Variants in SLC28A3 observed in about 807,000 individuals in gnomAD.
SLC28A3 encodes the protein concentrative Na(+)-nucleoside cotransporter 3.
A neutral mutation model predicts 84.2 loss-of-function variants in SLC28A3; 68 were observed. That is an observed-to-expected ratio of 0.81 (90% CI 0.66 to 0.99). SLC28A3 has a LOEUF of 0.99. SLC28A3 is among the 50% of genes least tolerant of loss of function. The probability of loss-of-function intolerance (pLI) is 0.00; values close to 1 mark genes in which losing one functional copy is unlikely to be tolerated. For missense variants in SLC28A3, 712 were observed against 841.5 expected, an observed-to-expected ratio of 0.85 and a Z score of 1.90; for synonymous variants, 267 against 303.6, an observed-to-expected ratio of 0.88 and a Z score of 1.25.
At chr9:84,301,096 T>C (rs1327181594) in intron 5 of SLC28A3, among the ~76,000 whole-genome samples, 1 of 151,936 alleles carries the variant, frequency 6.6e-6, no homozygotes, top group Non-Finnish European at 1.5e-5. Context: ...ACACCTATAA[T>C]CCCAGCACTT....
intron 10 of SLC28A3, among the ~76,000 whole-genome samples, chr9:84,291,419 C>T (rs1247433830): frequency 6.6e-6 from 1 of 152,174 alleles, no homozygotes; most frequent in African/African-American, 2.4e-5. Context: ...TCACTGCAAC[C>T]TCCACCTCCT....
Position 84,292,765 on chromosome 9 carries a change from G to T in SLC28A3, c.943-17C>A. 6.5e-7 allele frequency: 1 copy of T among 1,527,966 alleles called. No individual in the cohort carries two copies. The highest frequency in any genetic ancestry group is 8.8e-7 in the Non-Finnish European group (1 of 1,140,964). 94.7% of individuals were successfully genotyped at this position (1,527,966 alleles called of 1,614,324 possible). A position where few individuals can be genotyped will look rare whatever the true frequency, so the allele number is the denominator to read the frequency against. ...CCATCCAACCTAAAAGGAAGAAAGG[G>T]ACAAAGTCAGCAAAGAACTTTTTGT... On this transcript the variant is annotated splice_polypyrimidine_tract_variant and intron_variant, in intron 9 of 17. Coordinates refer to ENST00000376238, the MANE Select transcript of SLC28A3 (RefSeq NM_001199633.2).
chr9:84,295,189 A>G (rs1429971526), intron 8 of SLC28A3, among the ~76,000 whole-genome samples: 3 of 152,154 alleles, frequency 2.0e-5, no homozygotes, highest in African/African-American at 7.2e-5. Context: ...GTAAACATTC[A>G]TTCTTCTAGC....
At chr9:84,341,321 T>C (rs1477658089), upstream of SLC28A3, among the ~76,000 whole-genome samples, 4 of 150,418 alleles carry the variant, frequency 2.7e-5, no homozygotes, top group African/African-American at 1.0e-4. Context: ...TGTTTTCCTG[T>C]GGGTGGTGTT....
At chr9:84,318,705 C>G (rs558720353) in intron 1 of SLC28A3, among the ~76,000 whole-genome samples, 1 of 151,378 alleles carries the variant, frequency 6.6e-6, no homozygotes, top group African/African-American at 2.4e-5. Context: ...CCCATCTCTA[C>G]TAAAAATACA....
upstream of SLC28A3, among the ~76,000 whole-genome samples, chr9:84,344,963 G>A (rs951762142): frequency 6.6e-6 from 1 of 152,160 alleles, no homozygotes; most frequent in Non-Finnish European, 1.5e-5. Flanking sequence ...GTTGTGTCAT[G>A]GGCCATGATC....
rs192232792 is a variant in SLC28A3 at position 84,279,426 on chromosome 9, G to A, written c.1829-41C>T. ...AGTCCCATTTATTTATTATTTTTTA[G>A]TTTTATTTATGTATTTATATATTTA... On this transcript the variant is annotated intron_variant, in intron 16 of 17. Transcript: ENST00000376238. 1.8e-4 allele frequency: 245 copies of A among 1,360,072 alleles called. No individual in the cohort carries two copies. The African/African-American group carries it at 3.4e-3, about 19-fold the overall frequency. The allele number at this position is 1,360,072 out of a possible 1,614,324, so 84.3% of individuals were successfully genotyped here. A position where few individuals can be genotyped will look rare whatever the true frequency, so the allele number is the denominator to read the frequency against.
At position 84,279,837 on chromosome 9, in the gene SLC28A3, A is replaced by G. The variant is rs1588553860; in HGVS notation, c.1828+138T>C. On this transcript the variant is annotated intron_variant, in intron 16 of 17. Transcript: ENST00000376238. Reference sequence around the variant, plus strand: ...CACCACACTGCACACATTTAACTTTACAGTATGCTTAAGAGCAGCTCTAAC... The same window carrying G: ...CACCACACTGCACACATTTAACTTTGCAGTATGCTTAAGAGCAGCTCTAAC... 3.4e-5 allele frequency: 25 copies of G among 743,118 alleles called. No individual in the cohort carries two copies. The East Asian group carries it at 6.8e-4, about 20-fold the overall frequency. 46.0% of individuals were successfully genotyped at this position (743,118 alleles called of 1,614,324 possible). A position where few individuals can be genotyped will look rare whatever the true frequency, so the allele number is the denominator to read the frequency against.
At chr9:84,307,523 A>G (rs1479758258) in intron 3 of SLC28A3, among the ~76,000 whole-genome samples, 3 of 152,212 alleles carry the variant, frequency 2.0e-5, no homozygotes, top group Non-Finnish European at 4.4e-5. Flanking sequence ...AACAATAGGT[A>G]TCACTTCATG....
intron 12 of SLC28A3, among the ~76,000 whole-genome samples, chr9:84,286,747 A>T (rs1243280904): frequency 6.6e-6 from 1 of 152,154 alleles, no homozygotes; most frequent in Admixed American, 6.5e-5. Context: ...CTGTAAATCC[A>T]TCACCTCATT....
chr9:84,367,333 G>A, the SLC28A3 span, among the ~76,000 whole-genome samples: 2 of 152,320 alleles, frequency 1.3e-5, no homozygotes, highest in African/African-American at 4.8e-5. Context: ...ATATCCACAA[G>A]CCAGGTCCTG....
At chr9:84,355,474 A>G in the SLC28A3 span, among the ~76,000 whole-genome samples, 9 of 152,206 alleles carry the variant, frequency 5.9e-5, no homozygotes, top group Admixed American at 1.3e-4. Context: ...ACTAATCCAA[A>G]TCAACAATTT....
intron 3 of SLC28A3, among the ~76,000 whole-genome samples, chr9:84,307,563 T>A (rs1293321156): frequency 6.6e-6 from 1 of 152,170 alleles, no homozygotes; most frequent in Non-Finnish European, 1.5e-5. Context: ...TGTGTGTGAA[T>A]ATGTATACTG....
chr9:84,319,907 C>A (rs969054153), intron 1 of SLC28A3, among the ~76,000 whole-genome samples: 3 of 152,090 alleles, frequency 2.0e-5, no homozygotes, highest in Non-Finnish European at 4.4e-5. Flanking sequence ...CCCTGACCCC[C>A]TTGAACGCTA....
chr9:84,356,303 A>G, the SLC28A3 span, among the ~76,000 whole-genome samples: 2 of 152,014 alleles, frequency 1.3e-5, no homozygotes, highest in Non-Finnish European at 2.9e-5. Flanking sequence ...ACCCATCCTC[A>G]AGGCCTGAGG....
chr9:84,313,254 C>G, intron 2 of SLC28A3, 105 bp downstream of exon 2: 1 of 888,018 alleles, frequency 1.1e-6, no homozygotes, highest in Non-Finnish European at 1.8e-6. Flanking sequence ...ATCTGTTCCT[C>G]TGCGTGCCAG....
At chr9:84,345,534 C>T (rs564373861), upstream of SLC28A3, among the ~76,000 whole-genome samples, 2 of 152,246 alleles carry the variant, frequency 1.3e-5, no homozygotes, top group African/African-American at 2.4e-5. Flanking sequence ...AGAAATGTAA[C>T]GATGTGTTTT....
At chr9:84,326,645 C>T (rs140589211) in intron 1 of SLC28A3, among the ~76,000 whole-genome samples, 38 of 28,882 alleles carry the variant, frequency 1.3e-3, no homozygotes, top group African/African-American at 2.6e-3. Flanking sequence ...ACAACAACAA[C>T]AACAACAACA....
In SLC28A3 at chr9:84,297,256, C is replaced by G; in HGVS notation, c.826G>C (p.Gly276Arg). 1 of 1,613,482 alleles carries G rather than the reference C, an allele frequency of 6.2e-7. No homozygotes were observed. The highest frequency in any genetic ancestry group is 8.5e-7 in the Non-Finnish European group (1 of 1,179,862). ...YTDAGASFVFGEKYKDHFFAF... is the reference protein window; with the variant it reads ...YTDAGASFVFREKYKDHFFAF... ...AAGAAGTGGTCTTTGTATTTCTCAC[C>G]AAAGACAAATGAAGCACCAGCATCT... The change falls in exon 8 of 18, where the codon GGT becomes CGT. Residue 276 changes from glycine (G) to arginine (R), a missense_variant. Transcript: ENST00000376238.
Sources: gnomAD v4.1 joint callset for allele counts (sites outside exome capture counted in the v4.1 genomes callset) on GRCh38, gnomAD v4.1.1 for gene constraint, MANE v1.5 for transcripts, NCBI Gene and HGNC (gene_info 2026-07-23, HGNC 2026-07-21) for gene names.